Variants in KIRREL3 observed in about 807,000 individuals in gnomAD.
KIRREL3 encodes kin of IRRE-like protein 3.
In KIRREL3, 36 loss-of-function variants were observed where a neutral mutation model predicts 89.7. That is an observed-to-expected ratio of 0.40 (90% CI 0.31 to 0.53). The LOEUF (loss-of-function observed/expected upper bound fraction) is 0.53, where lower values mean the gene tolerates loss of function less well. Among genes scored for constraint, KIRREL3 ranks in the 20% least tolerant of loss-of-function variants. KIRREL3 has a pLI of 0.49. For synonymous variants in KIRREL3, 445 were observed against 441.4 expected, an observed-to-expected ratio of 1.01 and a Z score of -0.10; for missense variants, 864 against 1,056.6, an observed-to-expected ratio of 0.82 and a Z score of 2.53.
intron 1 of KIRREL3, among the ~76,000 whole-genome samples, chr11:126,679,621 C>T (rs766375999): frequency 6.6e-6 from 1 of 152,268 alleles, no homozygotes; most frequent in East Asian, 1.9e-4. Context: ...GTAGACAGTT[C>T]ATCTCAACAC....
rs548798647 is a variant in KIRREL3, at chr11:126,810,402, A to G, written c.55+190053T>C. On this transcript the variant is annotated intron_variant, in intron 1 of 16. Transcript: ENST00000525144. ...TATATTAGCTTTCTGCAGACACACA[A>G]GGACTTGCTGGGAGGCCTTTCTTCT... 2.0e-5 allele frequency among the ~76,000 whole-genome samples: 3 copies of G among 152,292 alleles called. No homozygotes were observed. The South Asian group carries it at 6.2e-4, about 32-fold the overall frequency.
intron 1 of KIRREL3, among the ~76,000 whole-genome samples, chr11:126,907,618 A>G (rs1344367200): frequency 6.6e-6 from 1 of 152,212 alleles, no homozygotes; most frequent in Non-Finnish European, 1.5e-5. Context: ...CGTTCTGAGT[A>G]CCAACTATGG....
intron 1 of KIRREL3, among the ~76,000 whole-genome samples, chr11:126,998,420 T>C (rs138570992): frequency 2.6e-3 from 396 of 152,268 alleles, no homozygotes; most frequent in African/African-American, 9.2e-3. Context: ...CTCATTTTTG[T>C]TTAGACCTGT....
chr11:126,859,723 G>GT (rs1180336252), intron 1 of KIRREL3, among the ~76,000 whole-genome samples: 4 of 152,156 alleles, frequency 2.6e-5, no homozygotes, highest in African/African-American at 9.7e-5. Flanking sequence ...TCTCCCCAAG[G>GT]TTTCTTCCTC....
chr11:126,929,013 A>G (rs1947830550), intron 1 of KIRREL3, among the ~76,000 whole-genome samples: 1 of 152,222 alleles, frequency 6.6e-6, no homozygotes, highest in Non-Finnish European at 1.5e-5. Flanking sequence ...GAGAAAAATC[A>G]GAGATAGAAA....
Position 126,788,723 on chromosome 11 carries a change from G to A in KIRREL3, c.55+211732C>T, listed in dbSNP as rs890300587. Among the ~76,000 whole-genome samples, 5 of 152,184 alleles carry A rather than the reference G, an allele frequency of 3.3e-5. No individual in the cohort carries two copies. Among genetic ancestry groups the A allele is most frequent in the Non-Finnish European group, 5.9e-5 (4 of 68,040 alleles). On this transcript the variant is annotated intron_variant, in intron 1 of 16. Coordinates refer to ENST00000525144, the MANE Select transcript of KIRREL3 (RefSeq NM_032531.4). This position sits in a 1 kb window ranked among gnomAD's most constrained non-coding sequence, Gnocchi z 4.1. ...CCCTACAATTGCTATCAAAGGAACT[G>A]ATTGTTTTGATCTGGAAGCCGTCAG...
intron 1 of KIRREL3, among the ~76,000 whole-genome samples, chr11:126,581,545 T>A (rs1941554750): frequency 6.6e-6 from 1 of 152,218 alleles, no homozygotes; most frequent in African/African-American, 2.4e-5. Flanking sequence ...AAATTGAAAC[T>A]AAAAGTTGTA....
chr11:126,945,091 T>C (rs1315465494), intron 1 of KIRREL3: 1 of 152,240 alleles, frequency 6.6e-6, no homozygotes. Context: ...TGACAGACTC[T>C]ATCTGCCTCG....
Position 126,463,103 on chromosome 11 carries a change from G to A in KIRREL3, c.742+54C>T. The A allele has an allele frequency of 6.4e-7, 1 of 1,565,142 alleles. No individual in the cohort carries two copies. The highest frequency in any genetic ancestry group is 1.2e-5 in the South Asian group (1 of 86,684). On this transcript the variant is annotated intron_variant, in intron 6 of 16. Transcript: ENST00000525144. The surrounding 1 kb of genome is among the most constrained non-coding windows in gnomAD (Gnocchi z 5.9). ...GCCAGGCTATGGTCAGGGTTGCTGG[G>A]TGTTTCACCCTGGGCCTGGCAGGGC...
At position 126,484,649 on chromosome 11, in the gene KIRREL3, A is replaced by G. The variant is rs932833779; in HGVS notation, c.434-11183T>C. On this transcript the variant is annotated intron_variant, in intron 4 of 16. Coordinates refer to ENST00000525144, the MANE Select transcript of KIRREL3 (RefSeq NM_032531.4). The surrounding 1 kb of genome is among the most constrained non-coding windows in gnomAD (Gnocchi z 5.2). The stretch of plus-strand genomic sequence containing the variant: ...GGTAGTGTAAGTATGTTTATCTGAA[A>G]TTCACATTTAACAGGGAATCCTGTA... Among the ~76,000 whole-genome samples, 2 of 152,178 alleles carry G rather than the reference A, an allele frequency of 1.3e-5. No individual in the cohort carries two copies. The highest frequency in any genetic ancestry group is 4.8e-5 in the African/African-American group (2 of 41,434).
At chr11:126,934,318 T>C (rs1213316237) in intron 1 of KIRREL3, among the ~76,000 whole-genome samples, 6 of 152,126 alleles carry the variant, frequency 3.9e-5, no homozygotes. Flanking sequence ...TAACCCCAAA[T>C]TGATATTGAC....
chr11:126,982,448 A>G (rs1360176959), intron 1 of KIRREL3, among the ~76,000 whole-genome samples: 1 of 152,204 alleles, frequency 6.6e-6, no homozygotes, highest in Admixed American at 6.5e-5. Flanking sequence ...AATTTCTTAA[A>G]TCTTCTCAAA....
intron 1 of KIRREL3, among the ~76,000 whole-genome samples, chr11:126,895,721 T>C (rs994687639): frequency 2.6e-5 from 4 of 152,052 alleles, no homozygotes; most frequent in African/African-American, 9.7e-5. Flanking sequence ...AGTGTTGCAT[T>C]CCCCAGCCTC....
At chr11:126,930,149 G>T (rs1350498529) in intron 1 of KIRREL3, among the ~76,000 whole-genome samples, 1 of 151,004 alleles carries the variant, frequency 6.6e-6, no homozygotes, top group Non-Finnish European at 1.5e-5. Flanking sequence ...TTTTCTTAAT[G>T]CATTAAAATT....
intron 4 of KIRREL3, among the ~76,000 whole-genome samples, chr11:126,510,934 G>A (rs1958199452): frequency 6.6e-6 from 1 of 152,160 alleles, no homozygotes; most frequent in African/African-American, 2.4e-5. Context: ...GTTAAATCAT[G>A]ACAGTTGTCC....
chr11:126,881,599 G>T (rs966306179), intron 1 of KIRREL3, among the ~76,000 whole-genome samples: 1 of 152,158 alleles, frequency 6.6e-6, no homozygotes, highest in Non-Finnish European at 1.5e-5. Context: ...CCAAGCTGGA[G>T]TGCAGTGGTG....
intron 2 of KIRREL3, among the ~76,000 whole-genome samples, chr11:126,532,658 G>A (rs1783992): frequency 0.45 from 68,463 of 151,740 alleles, 16,244 homozygotes; most frequent in East Asian, 0.86. Flanking sequence ...TTATAAGCGT[G>A]AGCCACTACA....
chr11:126,923,261 CT>C lies in KIRREL3; in HGVS notation c.55+77193del, dbSNP rs1488071211. Reference sequence around the variant, plus strand: ...TCTTCTTCTTCTTCTTCTTCTTCTTCTTCTTCTCCTTCTCCTTCTCCTTCTC... The same window carrying C: ...TCTTCTTCTTCTTCTTCTTCTTCTTCTCTTCTCCTTCTCCTTCTCCTTCTC... On this transcript the variant is annotated intron_variant, in intron 1 of 16. Transcript: ENST00000525144. 3.9e-3 allele frequency among the ~76,000 whole-genome samples: 383 copies of C among 97,580 alleles called. 101 individuals are homozygous for C. Among genetic ancestry groups the C allele is most frequent in the African/African-American group, 7.6e-3 (164 of 21,708 alleles). 64.0% of individuals were successfully genotyped at this position (97,580 alleles called of 152,430 possible).
At position 126,712,264 on chromosome 11, in the gene KIRREL3, A is replaced by AGTGTGTGTGT. The variant is rs3045186; in HGVS notation, c.56-149362_56-149353dup. ...GAAATGTGTGCTCCAGATAAGGGCGAGTGTGTGTGTGTGTGTGTGTGCGCG... is the reference window on the plus strand; with the variant it reads ...GAAATGTGTGCTCCAGATAAGGGCGAGTGTGTGTGTGTGTGTGTGTGTGTGTGTGTGCGCG... On this transcript the variant is annotated intron_variant, in intron 1 of 16. Coordinates refer to ENST00000525144, the MANE Select transcript of KIRREL3 (RefSeq NM_032531.4). 3.3e-3 allele frequency among the ~76,000 whole-genome samples: 495 copies of AGTGTGTGTGT among 149,732 alleles called. 5 individuals carry two copies. The highest frequency in any genetic ancestry group is 9.5e-3 in the African/African-American group (387 of 40,756).
Sources: gnomAD v4.1 joint callset for allele counts (sites outside exome capture counted in the v4.1 genomes callset) on GRCh38, gnomAD v4.1.1 for gene constraint, Gnocchi (gnomAD v3.1) non-coding constraint, MANE v1.5 for transcripts, NCBI Gene and HGNC (gene_info 2026-07-23, HGNC 2026-07-21) for gene names.